CDC42BPB: variants seen among roughly 807,000 people sequenced by gnomAD.
CDC42BPB encodes the protein CDC42 binding protein kinase beta.
Under a neutral mutation model 214.9 loss-of-function variants are expected in CDC42BPB, and 37 were observed. The observed-to-expected ratio is 0.17, with a 90% CI of 0.13 to 0.23. The LOEUF is 0.23. Among genes scored for constraint, CDC42BPB ranks in the 10% least tolerant of loss-of-function variants. The probability of loss-of-function intolerance (pLI) is 1.00; values close to 1 mark genes in which losing one functional copy is unlikely to be tolerated. For missense variants in CDC42BPB, 1,694 were observed against 2,227.0 expected, an observed-to-expected ratio of 0.76 and a Z score of 4.82; for synonymous variants, 931 against 884.0, an observed-to-expected ratio of 1.05 and a Z score of -0.94.
intron 5 of CDC42BPB, among the ~76,000 whole-genome samples, chr14:102,996,074 T>C (rs1159331007): frequency 1.3e-5 from 2 of 152,232 alleles, no homozygotes; most frequent in Non-Finnish European, 2.9e-5. Context: ...TGAGGATGGC[T>C]CACGCCTGTA....
chr14:102,968,104 A>G (rs891808729), intron 16 of CDC42BPB, 149 bp downstream of exon 16: 1 of 622,846 alleles, frequency 1.6e-6, no homozygotes, highest in Non-Finnish European at 2.7e-6. Flanking sequence ...CAAAAAAAAA[A>G]AACCAAACTT....
Position 103,047,903 on chromosome 14 carries a change from C to CAAAAAAAAAAAA in CDC42BPB, c.175+9095_175+9096insTTTTTTTTTTTT, listed in dbSNP as rs376515642. ...GGGCAACAGAGCAAGACTCTGTGTC[C>CAAAAAAAAAAAA]AAAAAAAAAAGCATTTTCAGACAGA... is the stretch of plus-strand genomic sequence containing the variant. On this transcript the variant is annotated intron_variant, in intron 1 of 36. Transcript: ENST00000361246. 8.5e-4 allele frequency among the ~76,000 whole-genome samples: 109 copies of CAAAAAAAAAAAA among 127,640 alleles called. 4 individuals are homozygous for CAAAAAAAAAAAA. Among genetic ancestry groups the CAAAAAAAAAAAA allele is most frequent in the African/African-American group, 3.0e-3 (96 of 31,836 alleles). 83.7% of individuals were successfully genotyped at this position (127,640 alleles called of 152,430 possible).
chr14:103,018,525 G>A (rs1387253224), intron 1 of CDC42BPB, among the ~76,000 whole-genome samples: 3 of 152,138 alleles, frequency 2.0e-5, no homozygotes, highest in Non-Finnish European at 2.9e-5. Context: ...GGAGGAAGTC[G>A]CATCGATAGT....
At chr14:103,003,015 C>A (rs1895061346) in intron 4 of CDC42BPB, among the ~76,000 whole-genome samples, 1 of 152,150 alleles carries the variant, frequency 6.6e-6, no homozygotes, top group Admixed American at 6.5e-5. Context: ...ATGGAGCGCA[C>A]AACCCAGGAG....
rs1895128273 is a variant in CDC42BPB at position 103,004,182 on chromosome 14, G to A, written c.352-159C>T. The A allele has an allele frequency of 2.5e-5, 34 of 1,378,956 alleles. No individual in the cohort carries two copies. In the South Asian group the frequency reaches 5.0e-4, roughly 20 times the overall value. The allele number at this position is 1,378,956 out of a possible 1,614,324, so 85.4% of individuals were successfully genotyped here. ...ACCACCCCGAGGCTGCTGAGGCTGA[G>A]CCATCCCTCATCCCTTCCTCTCCCA... On this transcript the variant is annotated intron_variant, in intron 3 of 36. Coordinates refer to ENST00000361246, the MANE Select transcript of CDC42BPB (RefSeq NM_006035.4). The surrounding 1 kb of genome is among the most constrained non-coding windows in gnomAD (Gnocchi z 5.3).
Position 102,987,130 on chromosome 14 carries a change from G to A in CDC42BPB, c.597-550C>T, listed in dbSNP as rs34510832. On this transcript the variant is annotated intron_variant, in intron 5 of 36. Coordinates refer to ENST00000361246, the MANE Select transcript of CDC42BPB (RefSeq NM_006035.4). ...AGACGAGGTCCAGGAGGCAGGTGGC[G>A]ATCTGGGGGAAGACTGCTGCAAACC... 4.7e-3 allele frequency among the ~76,000 whole-genome samples: 711 copies of A among 152,320 alleles called. 9 individuals are homozygous for A. Among genetic ancestry groups the A allele is most frequent in the African/African-American group, 0.016 (662 of 41,566 alleles).
intron 20 of CDC42BPB, among the ~76,000 whole-genome samples, chr14:102,961,640 T>A (rs2139433088): frequency 6.6e-6 from 1 of 151,946 alleles, no homozygotes; most frequent in South Asian, 2.1e-4. Context: ...GAGGTTCAAG[T>A]TCAAACAATA....
chr14:103,005,901 T>C (rs1885781631), intron 3 of CDC42BPB, among the ~76,000 whole-genome samples: 2 of 150,016 alleles, frequency 1.3e-5, no homozygotes, highest in Non-Finnish European at 1.5e-5. Context: ...GTGCCTGTAA[T>C]CCCAGCTACT....
intron 2 of CDC42BPB, among the ~76,000 whole-genome samples, chr14:103,011,881 C>T (rs761066163): frequency 5.9e-5 from 9 of 152,108 alleles, no homozygotes; most frequent in Admixed American, 4.6e-4. Context: ...CTTGGGAGGC[C>T]GAGGCGGGGA....
At chr14:102,974,287 C>CACACAT (rs1244757114) in intron 11 of CDC42BPB, 138 bp from the exon 12 acceptor site, 1 of 1,234,986 alleles carries the variant, frequency 8.1e-7, no homozygotes, top group Admixed American at 3.0e-5. Context: ...TACTTACACA[C>CACACAT]ACACACACAC....
chr14:103,031,930 C>T (rs533219966), intron 1 of CDC42BPB, among the ~76,000 whole-genome samples: 1 of 152,102 alleles, frequency 6.6e-6, no homozygotes, highest in Admixed American at 6.6e-5. Context: ...TAATTGTCAA[C>T]TCCAAAGTGT....
At chr14:103,000,707 C>T (rs1894938865) in intron 4 of CDC42BPB, among the ~76,000 whole-genome samples, 1 of 152,210 alleles carries the variant, frequency 6.6e-6, no homozygotes, top group Admixed American at 6.5e-5. Flanking sequence ...GGGGCAGGGA[C>T]CCTGTAATAT....
chr14:103,049,923 G>A (rs1888512541), intron 1 of CDC42BPB, among the ~76,000 whole-genome samples: 1 of 152,186 alleles, frequency 6.6e-6, no homozygotes. Context: ...ATGTTGGCCA[G>A]GCTGGTCTTG....
intron 1 of CDC42BPB, among the ~76,000 whole-genome samples, chr14:103,042,772 A>AC (rs1361162822): frequency 6.6e-6 from 1 of 152,214 alleles, no homozygotes; most frequent in Non-Finnish European, 1.5e-5. Flanking sequence ...ACCCACTAGG[A>AC]CAGAAAACAA....
At chr14:103,011,934 G>A (rs1473095082) in intron 2 of CDC42BPB, among the ~76,000 whole-genome samples, 163 bp downstream of exon 2, 1 of 152,078 alleles carries the variant, frequency 6.6e-6, no homozygotes, top group Non-Finnish European at 1.5e-5. Context: ...TGGGCAACAT[G>A]GTGAGACCTC....
At chr14:102,950,355 C>A (rs1892430118) in intron 25 of CDC42BPB, 111 bp downstream of exon 25, 12 of 1,408,482 alleles carry the variant, frequency 8.5e-6, no homozygotes, top group East Asian at 2.3e-5. Context: ...AGGACTGGCA[C>A]CAGGGCCACC....
Position 102,952,601 on chromosome 14 carries a change from T to G in CDC42BPB, c.3069A>C (p.Pro1023=). ...TQALALAGPK[P]KAHQFSIKSF... is the part of the protein sequence containing the mutation. ...ACTTGATGCTGAACTGGTGAGCTTT[T>G]GGCTGGAAGGAGAAAATCAAGAACA... Residue 1023 remains proline (P), a splice_region_variant and synonymous_variant, in exon 24 of 37, where the codon CCA becomes CCC. Transcript: ENST00000361246. 4 of 1,613,416 alleles carry G rather than the reference T, an allele frequency of 2.5e-6. No homozygotes were observed. In the Middle Eastern group the frequency reaches 4.9e-4, roughly 200 times the overall value.
chr14:103,033,477 C>T (rs1887503990), intron 1 of CDC42BPB, among the ~76,000 whole-genome samples: 1 of 152,190 alleles, frequency 6.6e-6, no homozygotes. Flanking sequence ...CCACCTCGGC[C>T]TCCCAAAGTG....
At chr14:102,953,355 C>G (rs1223730667) in intron 23 of CDC42BPB, among the ~76,000 whole-genome samples, 1 of 152,252 alleles carries the variant, frequency 6.6e-6, no homozygotes, top group African/African-American at 2.4e-5. Context: ...AGGAGTGACA[C>G]ACCAGCACTC....
Sources: gnomAD v4.1 joint callset for allele counts (sites outside exome capture counted in the v4.1 genomes callset) on GRCh38, gnomAD v4.1.1 for gene constraint, Gnocchi (gnomAD v3.1) non-coding constraint, MANE v1.5 for transcripts, NCBI Gene and HGNC (gene_info 2026-07-23, HGNC 2026-07-21) for gene names.